KCNQ3: variants seen among roughly 807,000 people sequenced by gnomAD.
KCNQ3 encodes potassium voltage-gated channel subfamily Q member 3, also known as potassium voltage-gated channel subfamily KQT member 3.
Under a neutral mutation model 92.5 loss-of-function variants are expected in KCNQ3, and 30 were observed. The ratio of observed to expected loss-of-function variants is 0.32; its 90% CI spans 0.24 to 0.44. KCNQ3 has a LOEUF of 0.44. Ranked by LOEUF, KCNQ3 falls within the 20% of genes least tolerant of loss-of-function variation. The pLI is 1.00. For synonymous variants in KCNQ3, 450 were observed against 468.8 expected (o/e 0.96, Z 0.52); for missense variants, 913 against 1,140.3 (o/e 0.80, Z 2.87).
At chr8:132,264,345 C>A (rs1815904941) in intron 1 of KCNQ3, among the ~76,000 whole-genome samples, 1 of 152,178 alleles carries the variant, frequency 6.6e-6, no homozygotes, top group South Asian at 2.1e-4. Flanking sequence ...AGCACAGCCC[C>A]ATTTCACCAG....
At chr8:132,459,551 G>T (rs1321170696) in intron 1 of KCNQ3, among the ~76,000 whole-genome samples, 3 of 152,108 alleles carry the variant, frequency 2.0e-5, no homozygotes, top group African/African-American at 7.2e-5. Flanking sequence ...CCAGCACACA[G>T]GGAGGGGATT....
chr8:132,458,909 T>C (rs1383786720), intron 1 of KCNQ3, among the ~76,000 whole-genome samples: 1 of 152,240 alleles, frequency 6.6e-6, no homozygotes, highest in Admixed American at 6.5e-5. Context: ...TTAACTAAAG[T>C]CCATACTTTA....
chr8:132,237,253 T>C (rs551228733), intron 1 of KCNQ3, among the ~76,000 whole-genome samples: 1 of 152,276 alleles, frequency 6.6e-6, no homozygotes, highest in African/African-American at 2.4e-5. Context: ...AGAGTAATGA[T>C]GATGATGATG....
At chr8:132,176,238 A>G (rs1477703858) in intron 4 of KCNQ3, among the ~76,000 whole-genome samples, 1 of 152,244 alleles carries the variant, frequency 6.6e-6, no homozygotes, top group Non-Finnish European at 1.5e-5. Context: ...GGATATTATC[A>G]TATAATAGAC....
At chr8:132,156,817 T>C (rs1328769140) in intron 9 of KCNQ3, among the ~76,000 whole-genome samples, 1 of 152,174 alleles carries the variant, frequency 6.6e-6, no homozygotes, top group East Asian at 1.9e-4. Context: ...GATGAGGGCA[T>C]ATTGAATTAG....
chr8:132,148,544 C>T (rs1252931621), intron 9 of KCNQ3, among the ~76,000 whole-genome samples: 2 of 152,218 alleles, frequency 1.3e-5, no homozygotes, highest in East Asian at 1.9e-4. Flanking sequence ...TATGTGTCAA[C>T]TTGACTGAGC....
At position 132,138,216 on chromosome 8, in the gene KCNQ3, C is replaced by T. The variant is rs115121285; in HGVS notation, c.1569-200G>A. On this transcript the variant is annotated intron_variant, in intron 11 of 14. Transcript: ENST00000388996. Reference sequence around the variant, plus strand: ...ACATCTCCATCAGGATTACTCCCTTCAATCATTTGAATAATAAGTAAATCA... The same window carrying T: ...ACATCTCCATCAGGATTACTCCCTTTAATCATTTGAATAATAAGTAAATCA... Among the ~76,000 whole-genome samples, 863 of 152,286 alleles carry T rather than the reference C, an allele frequency of 5.7e-3. 12 individuals are homozygous for T. The highest frequency in any genetic ancestry group is 0.018 in the African/African-American group (764 of 41,556).
At chr8:132,328,845 C>T (rs1462109932) in intron 1 of KCNQ3, among the ~76,000 whole-genome samples, 3 of 152,174 alleles carry the variant, frequency 2.0e-5, no homozygotes, top group East Asian at 3.9e-4. Context: ...ATCCTCTCTC[C>T]TGAATTACTG....
intron 1 of KCNQ3, among the ~76,000 whole-genome samples, chr8:132,373,976 C>T (rs1308651445): frequency 6.6e-6 from 1 of 152,092 alleles, no homozygotes; most frequent in Non-Finnish European, 1.5e-5. Context: ...GAGTCTACCC[C>T]CACCCCCAGG....
intron 1 of KCNQ3, among the ~76,000 whole-genome samples, chr8:132,442,312 T>C (rs930956271): frequency 1.3e-5 from 2 of 152,172 alleles, no homozygotes; most frequent in African/African-American, 4.8e-5. Context: ...CTCTGAGCTG[T>C]CCCAGGAGTA....
intron 1 of KCNQ3, among the ~76,000 whole-genome samples, chr8:132,231,018 G>C (rs932944469): frequency 1.3e-5 from 2 of 152,130 alleles, no homozygotes; most frequent in Admixed American, 1.3e-4. Flanking sequence ...GGAACATTTG[G>C]ACACAGAGAC....
chr8:132,300,236 A>T (rs1206186999), intron 1 of KCNQ3, among the ~76,000 whole-genome samples: 1 of 150,970 alleles, frequency 6.6e-6, no homozygotes, highest in Non-Finnish European at 1.5e-5. Flanking sequence ...AGGTGACACC[A>T]TTTTTTTTTG....
chr8:132,476,766 A>C (rs1049561684), intron 1 of KCNQ3, among the ~76,000 whole-genome samples: 3 of 152,158 alleles, frequency 2.0e-5, no homozygotes, highest in Non-Finnish European at 2.9e-5. Context: ...TGCTGGAATG[A>C]GTTAAGACCT....
chr8:132,406,663 A>G (rs1820490924), intron 1 of KCNQ3, among the ~76,000 whole-genome samples: 1 of 152,050 alleles, frequency 6.6e-6, no homozygotes, highest in Non-Finnish European at 1.5e-5. Context: ...ATACTAAACT[A>G]CCATGCTTTC....
At chr8:132,304,776 T>C (rs1256271623) in intron 1 of KCNQ3, among the ~76,000 whole-genome samples, 1 of 152,136 alleles carries the variant, frequency 6.6e-6, no homozygotes, top group Non-Finnish European at 1.5e-5. Flanking sequence ...TTGTTTAGTA[T>C]ATAAACAATG....
At chr8:132,373,470 A>T (rs932188210) in intron 1 of KCNQ3, among the ~76,000 whole-genome samples, 3 of 150,024 alleles carry the variant, frequency 2.0e-5, no homozygotes, top group African/African-American at 7.4e-5. Context: ...CCAGGACAAG[A>T]TCTAAGAGCT....
At chr8:132,149,699 A>T (rs2130958688) in intron 9 of KCNQ3, among the ~76,000 whole-genome samples, 1 of 152,272 alleles carries the variant, frequency 6.6e-6, no homozygotes, top group South Asian at 2.1e-4. Flanking sequence ...CGCGCGGGAC[A>T]GTTGGGCCAG....
At chr8:132,268,306 T>TC (rs1256168156) in intron 1 of KCNQ3, among the ~76,000 whole-genome samples, 2 of 152,200 alleles carry the variant, frequency 1.3e-5, no homozygotes, top group African/African-American at 4.8e-5. Context: ...GGAGTCTCAC[T>TC]CAGTTGGTCA....
rs192881992 is a variant in KCNQ3 at position 132,303,413 on chromosome 8, G to A, written c.387-117232C>T. 4.7e-3 allele frequency among the ~76,000 whole-genome samples: 712 copies of A among 150,638 alleles called. 6 individuals carry two copies. The highest frequency in any genetic ancestry group is 0.017 in the African/African-American group (687 of 40,958). ...CCATTACATATTTACCAAATGTTAC[G>A]ACATTCACAACTATGGTTGGGTATT... On this transcript the variant is annotated intron_variant, in intron 1 of 14. Coordinates refer to ENST00000388996, the MANE Select transcript of KCNQ3 (RefSeq NM_004519.4).
Sources: allele counts gnomAD v4.1 joint callset (sites outside exome capture counted in the v4.1 genomes callset), GRCh38; gene constraint gnomAD v4.1.1; transcripts MANE v1.5; gene names NCBI Gene and HGNC (gene_info 2026-07-23, HGNC 2026-07-21).